The following IL17RD variants were observed in gnomAD, a reference collection of about 807,000 sequenced individuals.
IL17RD encodes interleukin-17 receptor D.
A neutral mutation model predicts 80.5 loss-of-function variants in IL17RD; 52 were observed. The observed-to-expected ratio is 0.65, with a 90% CI of 0.52 to 0.81. The LOEUF (loss-of-function observed/expected upper bound fraction) is 0.81, where lower values mean the gene tolerates loss of function less well. Among genes scored for constraint, IL17RD ranks in the 40% least tolerant of loss-of-function variants. The pLI, the probability that IL17RD is intolerant of heterozygous loss-of-function variation, is 0.00. For synonymous variants in IL17RD, 416 were observed against 391.8 expected (o/e 1.06, Z -0.73); for missense variants, 1,024 against 955.1 (o/e 1.07, Z -0.95).
Position 57,102,459 on chromosome 3 carries a change from C to T in IL17RD, c.979+20G>A, listed in dbSNP as rs770512405. ...TGGCCTGCCCCTTGTTGTGGGGAGA[C>T]ACAGCACACAAAGAGATACCTTGTT... On this transcript the variant is annotated intron_variant, in intron 10 of 12. Transcript: ENST00000296318. 1.4e-6 allele frequency: 2 copies of T among 1,409,268 alleles called. No homozygotes were observed. Among genetic ancestry groups the T allele is most frequent in the Non-Finnish European group, 2.0e-6 (2 of 1,021,858 alleles). 87.3% of individuals were successfully genotyped at this position (1,409,268 alleles called of 1,614,324 possible). A position where few individuals can be genotyped will look rare whatever the true frequency, so the allele number is the denominator to read the frequency against.
rs564636157 is a variant in IL17RD, at chr3:57,098,111, C to T, written c.1592G>A (p.Arg531Lys). ...GCCTGACTTGCTCCGGAAGTAGTTCCTTCTGCTGCCCTGTCGCGTGTGCTG... is the reference window on the plus strand; with the variant it reads ...GCCTGACTTGCTCCGGAAGTAGTTCTTTCTGCTGCCCTGTCGCGTGTGCTG... Reference protein sequence around the residue: ...PGQHTRQGSRRNYFRSKSGRS... With the variant: ...PGQHTRQGSRKNYFRSKSGRS... The change falls in exon 12 of 13, where the codon AGG becomes AAG. Residue 531 changes from arginine to lysine, a missense_variant. Coordinates refer to ENST00000296318, the MANE Select transcript of IL17RD (RefSeq NM_017563.5). 3 of 1,613,980 alleles carry T rather than the reference C, an allele frequency of 1.9e-6. No homozygotes were observed. The highest frequency in any genetic ancestry group is 2.2e-5 in the East Asian group (1 of 44,870).
chr3:57,116,352 C>T (rs1448961407), intron 2 of IL17RD, among the ~76,000 whole-genome samples: 3 of 148,728 alleles, frequency 2.0e-5, no homozygotes, highest in Non-Finnish European at 4.4e-5. Flanking sequence ...GGCGCAATCT[C>T]GGCTCATGGC....
intron 2 of IL17RD, among the ~76,000 whole-genome samples, chr3:57,118,507 A>G (rs897153041): frequency 2.6e-5 from 4 of 152,228 alleles, no homozygotes; most frequent in African/African-American, 9.6e-5. Flanking sequence ...GCCAGACGTC[A>G]CTAAATATGA....
intron 7 of IL17RD, among the ~76,000 whole-genome samples, chr3:57,105,552 A>AAAAAAAAAAAAAAATATATAT: frequency 1.6e-4 from 10 of 63,590 alleles, no homozygotes; most frequent in African/African-American, 2.8e-4. Context: ...AAAAAAAAAA[A>AAAAAAAAAAAAAAATATATAT]ATATATATAT....
chr3:57,149,163 G>A (rs1488308417), intron 1 of IL17RD, among the ~76,000 whole-genome samples: 1 of 152,134 alleles, frequency 6.6e-6, no homozygotes, highest in Non-Finnish European at 1.5e-5. Context: ...GGGTGTGGTG[G>A]CACTTGTCTG....
intron 5 of IL17RD, among the ~76,000 whole-genome samples, chr3:57,107,180 C>T (rs775622539): frequency 5.9e-5 from 9 of 152,060 alleles, no homozygotes; most frequent in Non-Finnish European, 1.2e-4. Flanking sequence ...AGATCAAGAC[C>T]ATCCTGGCTA....
upstream of IL17RD, chr3:57,169,270 T>C (rs1579333742): frequency 1.9e-6 from 1 of 518,318 alleles, no homozygotes; most frequent in South Asian, 1.4e-5. Context: ...AGTCACACTT[T>C]CAGCCACTCC....
chr3:57,132,072 G>A (rs1362935469), intron 1 of IL17RD, among the ~76,000 whole-genome samples: 6 of 152,112 alleles, frequency 3.9e-5, no homozygotes, highest in Non-Finnish European at 2.9e-5. Flanking sequence ...TGTGGTCCCA[G>A]CTACTTGGGA....
At chr3:57,154,283 T>TATATATACACACACACACACAC (rs904157398) in intron 1 of IL17RD, among the ~76,000 whole-genome samples, 4 of 112,912 alleles carry the variant, frequency 3.5e-5, no homozygotes, top group African/African-American at 1.3e-4. Flanking sequence ...TATATATATA[T>TATATATACACACACACACACAC]ACACACACAC....
At chr3:57,163,849 A>C (rs942628756) in intron 1 of IL17RD, among the ~76,000 whole-genome samples, 11 of 145,728 alleles carry the variant, frequency 7.5e-5, no homozygotes, top group African/African-American at 2.3e-4. Flanking sequence ...AGCCGTCTCC[A>C]TAGCTTAGCT....
chr3:57,100,723 G>A (rs952157519), intron 11 of IL17RD, among the ~76,000 whole-genome samples: 2 of 152,048 alleles, frequency 1.3e-5, no homozygotes, highest in Admixed American at 6.6e-5. Context: ...TGGCAGCCCC[G>A]TCCTTCATTC....
Position 57,094,520 on chromosome 3 carries a change from A to G in IL17RD, c.*1873T>C, listed in dbSNP as rs943814726. The G allele has an allele frequency of 6.6e-6, 1 of 152,120 alleles. No individual in the cohort carries two copies. Among genetic ancestry groups the G allele is most frequent in the Admixed American group, 6.6e-5 (1 of 15,258 alleles). 9.4% of individuals were successfully genotyped at this position (152,120 alleles called of 1,614,324 possible). A position where few individuals can be genotyped will look rare whatever the true frequency, so the allele number is the denominator to read the frequency against. On this transcript the variant is annotated 3_prime_UTR_variant, in exon 13 of 13. Transcript: ENST00000296318. ...AGTCCTCCATTCTCTCCCTGGGGCC[A>G]CTTTCTCAGAGATGCCTTATTTCAT...
Position 57,097,687 on chromosome 3 carries a change from G to A in IL17RD, c.2016C>T (p.Ser672=), listed in dbSNP as rs774657012. ...SGIYDSSVPS[S]ELSLPLMEGL... ...CTTCCATCAGTGGCAGAGACAGCTC[G>A]GATGAGGGCACAGACGAGTCATAGA... The change falls in exon 12 of 13, where the codon TCC becomes TCT. Residue 672 remains serine, a synonymous_variant. Transcript: ENST00000296318. 1.7e-5 allele frequency: 28 copies of A among 1,605,988 alleles called. No individual in the cohort carries two copies. Among genetic ancestry groups the A allele is most frequent in the Middle Eastern group, 1.6e-4 (1 of 6,068 alleles).
intron 10 of IL17RD, among the ~76,000 whole-genome samples, chr3:57,101,711 G>A (rs1579259369): frequency 6.6e-6 from 1 of 152,220 alleles, no homozygotes; most frequent in African/African-American, 2.4e-5. Context: ...CACAGGCAGA[G>A]CTGATTTTTT....
chr3:57,119,900 C>A (rs1054694474), intron 2 of IL17RD, among the ~76,000 whole-genome samples: 1 of 152,218 alleles, frequency 6.6e-6, no homozygotes. Flanking sequence ...ATCCAGTTTG[C>A]CATACTGTCC....
At chr3:57,108,453 T>G (rs1369026656) in intron 5 of IL17RD, among the ~76,000 whole-genome samples, 2 of 146,954 alleles carry the variant, frequency 1.4e-5, no homozygotes, top group African/African-American at 5.0e-5. Context: ...ATTACAGGCA[T>G]GAGCCACCGA....
chr3:57,116,220 C>T (rs910834606), intron 2 of IL17RD, among the ~76,000 whole-genome samples: 2 of 152,104 alleles, frequency 1.3e-5, no homozygotes, highest in African/African-American at 4.8e-5. Context: ...GGCACACTCC[C>T]TTCCTCCACT....
rs1021819276 is a variant in IL17RD at position 57,098,551 on chromosome 3, C to T, written c.1165-13G>A. On this transcript the variant is annotated splice_polypyrimidine_tract_variant and intron_variant, in intron 11 of 12. Coordinates refer to ENST00000296318, the MANE Select transcript of IL17RD (RefSeq NM_017563.5). ...GGTCCAGAGCCACCTGGAAAGAGAACAAGGCACCTCACCCATACAGAAGGC... is the reference window on the plus strand; with the variant it reads ...GGTCCAGAGCCACCTGGAAAGAGAATAAGGCACCTCACCCATACAGAAGGC... 21 of 1,551,802 alleles carry T rather than the reference C, an allele frequency of 1.4e-5. No individual in the cohort carries two copies. Among genetic ancestry groups the T allele is most frequent in the Non-Finnish European group, 1.8e-5 (21 of 1,141,060 alleles).
At chr3:57,160,573 C>G (rs560704156) in intron 1 of IL17RD, among the ~76,000 whole-genome samples, 17 of 152,114 alleles carry the variant, frequency 1.1e-4, no homozygotes, top group Non-Finnish European at 2.2e-4. Context: ...TTCTCCCCCG[C>G]CCCGCTTCCC....
Sources: allele counts gnomAD v4.1 joint callset (sites outside exome capture counted in the v4.1 genomes callset), GRCh38; gene constraint gnomAD v4.1.1; transcripts MANE v1.5; gene names NCBI Gene and HGNC (gene_info 2026-07-23, HGNC 2026-07-21).